The following DLC1 variants were observed in gnomAD, a reference collection of about 807,000 sequenced individuals.
DLC1 encodes the protein rho GTPase-activating protein 7.
Under a neutral mutation model 140.3 loss-of-function variants are expected in DLC1, and 54 were observed. The ratio of observed to expected loss-of-function variants is 0.38; its 90% confidence interval spans 0.31 to 0.48. DLC1 has a LOEUF of 0.48. Among genes scored for constraint, DLC1 ranks in the 20% least tolerant of loss-of-function variants. The probability of loss-of-function intolerance (pLI) is 0.96; values close to 1 mark genes in which losing one functional copy is unlikely to be tolerated. For synonymous variants in DLC1, 986 were observed against 728.1 expected (o/e 1.35, Z -5.70); for missense variants, 2,536 against 1,907.0 (o/e 1.33, Z -6.14).
intron 2 of DLC1, among the ~76,000 whole-genome samples, chr8:13,447,923 T>C (rs901514735): frequency 3.9e-5 from 6 of 152,184 alleles, no homozygotes; most frequent in African/African-American, 1.4e-4. Flanking sequence ...ATATGCCCAT[T>C]CAATGAGGCT....
intron 5 of DLC1, among the ~76,000 whole-genome samples, chr8:13,151,597 C>T (rs1823816177): frequency 6.6e-6 from 1 of 152,182 alleles, no homozygotes; most frequent in Non-Finnish European, 1.5e-5. Context: ...CTTTGCATAT[C>T]AACGGAAGAA....
At chr8:13,102,877 A>T in intron 7 of DLC1, 24 bp from the exon 8 acceptor site, 1 of 1,607,304 alleles carries the variant, frequency 6.2e-7, no homozygotes, top group Non-Finnish European at 8.5e-7. Flanking sequence ...AAATAACGTT[A>T]GCAAAGATAG....
chr8:13,158,476 T>G (rs908779745), intron 5 of DLC1, among the ~76,000 whole-genome samples: 1 of 152,228 alleles, frequency 6.6e-6, no homozygotes, highest in African/African-American at 2.4e-5. Context: ...AAGGTGAATC[T>G]TGTTAGACAA....
intron 1 of DLC1, among the ~76,000 whole-genome samples, chr8:13,551,156 C>T (rs936585688): frequency 2.0e-5 from 3 of 150,886 alleles, no homozygotes; most frequent in African/African-American, 7.3e-5. Context: ...AGCCAAAATC[C>T]CTTACTTTGC....
rs1837286180 is a variant in DLC1, at chr8:13,401,323, G to T, written c.1173+147C>A. 3 of 913,046 alleles carry T rather than the reference G, an allele frequency of 3.3e-6. No homozygotes were observed. In the South Asian group the frequency reaches 7.0e-5, roughly 21 times the overall value. 56.6% of individuals were successfully genotyped at this position (913,046 alleles called of 1,614,324 possible). On this transcript the variant is annotated intron_variant, in intron 3 of 17. Coordinates refer to ENST00000276297, the MANE Select transcript of DLC1 (RefSeq NM_182643.3). ...GCATAGAATGTATGCATGATGCATA[G>T]AAGTATTTTGGTTATCTTTATGGTA...
At position 13,090,194 on chromosome 8, in the gene DLC1, G is replaced by A. The variant is rs1012322213; in HGVS notation, c.4074+58C>T. ...TAGTTGGCAAAAGCGTGTTATCTCT[G>A]ATGGACCCAAGCTTCGACTCCTGGA... On this transcript the variant is annotated intron_variant, in intron 15 of 17. Transcript: ENST00000276297. The A allele has an allele frequency of 2.6e-6, 4 of 1,524,248 alleles. No individual in the cohort carries two copies. The Admixed American group carries it at 7.2e-5, about 28-fold the overall frequency. 94.4% of individuals were successfully genotyped at this position (1,524,248 alleles called of 1,614,324 possible).
At chr8:13,313,995 G>A (rs181580414) in intron 4 of DLC1, among the ~76,000 whole-genome samples, 251 of 152,118 alleles carry the variant, frequency 1.7e-3, no homozygotes, top group Non-Finnish European at 2.9e-3. Flanking sequence ...ACGTCTTGGA[G>A]CAGCAGGACC....
chr8:13,347,994 C>A (rs1834435421), intron 4 of DLC1, among the ~76,000 whole-genome samples: 1 of 152,084 alleles, frequency 6.6e-6, no homozygotes. Context: ...GAGGTGGAGG[C>A]AGGAGAATGG....
At chr8:13,095,355 C>T (rs988244361) in intron 10 of DLC1, 110 bp from the exon 11 acceptor site, 35 of 1,337,604 alleles carry the variant, frequency 2.6e-5, no homozygotes, top group African/African-American at 1.2e-4. Flanking sequence ...TGTGCTAATA[C>T]GGTGGCTACT....
intron 1 of DLC1, among the ~76,000 whole-genome samples, chr8:13,526,242 A>T (rs1339961723): frequency 2.0e-5 from 3 of 152,230 alleles, no homozygotes; most frequent in Non-Finnish European, 2.9e-5. Context: ...TACACCAAGT[A>T]TTATAAGTAT....
In DLC1 at chr8:13,413,324, A is replaced by C. The variant is rs182645546; in HGVS notation, c.1024-11705T>G. Among the ~76,000 whole-genome samples the C allele has an allele frequency of 4.9e-3, 602 of 121,906 alleles. 3 individuals are homozygous for C. Among genetic ancestry groups the C allele is most frequent in the Non-Finnish European group, 7.7e-3 (467 of 60,838 alleles). The allele number at this position is 121,906 out of a possible 152,430, so 80.0% of individuals were successfully genotyped here. ...GTTAGTGTATTTTATGTGTGGCCCA[A>C]GATAATTCTTCTTCTTCCAATGTGG... On this transcript the variant is annotated intron_variant, in intron 2 of 17. Transcript: ENST00000276297.
At chr8:13,315,482 T>A (rs1832830113) in intron 4 of DLC1, among the ~76,000 whole-genome samples, 1 of 152,218 alleles carries the variant, frequency 6.6e-6, no homozygotes, top group African/African-American at 2.4e-5. Context: ...TCTGAATCTA[T>A]CTATAAAATG....
intron 5 of DLC1, among the ~76,000 whole-genome samples, chr8:13,182,086 A>T (rs980743162): frequency 2.0e-5 from 3 of 152,176 alleles, no homozygotes; most frequent in African/African-American, 7.2e-5. Context: ...TCTGATGACC[A>T]GGGATGATGA....
intron 8 of DLC1, 90 bp from the exon 9 acceptor site, chr8:13,100,860 G>T (rs1819019371): frequency 1.4e-5 from 17 of 1,248,024 alleles, no homozygotes; most frequent in Admixed American, 3.0e-5. Flanking sequence ...TAATATGCCA[G>T]TAGTATCAAT....
At chr8:13,456,779 G>C (rs1018942497) in intron 2 of DLC1, among the ~76,000 whole-genome samples, 17 of 152,100 alleles carry the variant, frequency 1.1e-4, no homozygotes, top group African/African-American at 4.1e-4. Context: ...CTGCTTTGCA[G>C]GGCCTTTGGT....
intron 5 of DLC1, among the ~76,000 whole-genome samples, chr8:13,162,402 G>A (rs115258018): frequency 0.022 from 3,361 of 152,160 alleles, 124 homozygotes; most frequent in African/African-American, 0.073. Flanking sequence ...AACTCACTGC[G>A]TCCTCCGCCT....
At chr8:13,435,500 G>A (rs2116893579) in intron 2 of DLC1, among the ~76,000 whole-genome samples, 1 of 152,226 alleles carries the variant, frequency 6.6e-6, no homozygotes, top group South Asian at 2.1e-4. Context: ...TTTTAGTAGA[G>A]ATGGGGTTTC....
intron 5 of DLC1, among the ~76,000 whole-genome samples, chr8:13,137,177 G>A (rs911997530): frequency 3.9e-5 from 6 of 152,130 alleles, no homozygotes; most frequent in Non-Finnish European, 8.8e-5. Flanking sequence ...AAACAGTGGC[G>A]CTTTACCTCT....
intron 1 of DLC1, 128 bp from the exon 2 acceptor site, chr8:13,500,324 C>G (rs895684922): frequency 8.5e-6 from 3 of 350,902 alleles, no homozygotes; most frequent in Non-Finnish European, 1.5e-5. Context: ...TGTTTAGTAG[C>G]TTTAATAATG....
Sources: allele counts gnomAD v4.1 joint callset (sites outside exome capture counted in the v4.1 genomes callset), GRCh38; gene constraint gnomAD v4.1.1; transcripts MANE v1.5; gene names NCBI Gene and HGNC (gene_info 2026-07-23, HGNC 2026-07-21).